The following EBF1 variants were observed in gnomAD, a reference collection of about 807,000 sequenced individuals.
EBF1 encodes EBF transcription factor 1.
A neutral mutation model predicts 68.4 loss-of-function variants in EBF1; 10 were observed. The observed-to-expected ratio is 0.15, with a 90% CI of 0.09 to 0.25. The LOEUF is 0.25. Ranked by LOEUF, EBF1 falls within the 10% of genes least tolerant of loss-of-function variation. EBF1 has a pLI of 1.00. For synonymous variants in EBF1, 298 were observed against 299.8 expected, an observed-to-expected ratio of 0.99 and a Z score of 0.06; for missense variants, 509 against 794.4, an observed-to-expected ratio of 0.64 and a Z score of 4.32.
At chr5:158,962,414 C>T (rs1325018725) in intron 6 of EBF1, among the ~76,000 whole-genome samples, 3 of 152,048 alleles carry the variant, frequency 2.0e-5, no homozygotes, top group Non-Finnish European at 4.4e-5. Context: ...GGCAACAACA[C>T]CACAATGGCC....
At position 158,969,904 on chromosome 5, in the gene EBF1, GAAAGAAAGAAAGAAAAAAAA is replaced by G. The variant is rs1408618150; in HGVS notation, c.554+103472_554+103491del. On this transcript the variant is annotated intron_variant, in intron 6 of 15. Coordinates refer to ENST00000313708, the MANE Select transcript of EBF1 (RefSeq NM_024007.5). ...AGAAAGAAAGAAAGAAAGAAAGAAA[GAAAGAAAGAAAGAAAAAAAA>G]AAAAAAGGCTGCTGGAAGTTTTGCA... Among the ~76,000 whole-genome samples the G allele has an allele frequency of 9.3e-4, 98 of 105,686 alleles. 1 individual carries two copies. The highest frequency in any genetic ancestry group is 2.1e-3 in the South Asian group (7 of 3,404). The allele number at this position is 105,686 out of a possible 152,430, so 69.3% of individuals were successfully genotyped here.
intron 10 of EBF1, among the ~76,000 whole-genome samples, chr5:158,774,653 G>A (rs1441923044): frequency 6.6e-6 from 1 of 152,114 alleles, no homozygotes; most frequent in African/African-American, 2.4e-5. Flanking sequence ...CTGAGCAGTT[G>A]TTTGGATACA....
chr5:158,717,957 CTATT>C (rs1761119462), intron 11 of EBF1, among the ~76,000 whole-genome samples: 1 of 152,118 alleles, frequency 6.6e-6, no homozygotes, highest in Non-Finnish European at 1.5e-5. Flanking sequence ...TATTCTTACT[CTATT>C]TAGAGTCTAC....
At chr5:158,730,997 A>G (rs1258743299) in intron 11 of EBF1, 72 bp downstream of exon 11, 12 of 1,414,116 alleles carry the variant, frequency 8.5e-6, no homozygotes, top group South Asian at 3.7e-5. Flanking sequence ...ACTAATTTTT[A>G]TCAGCAGCAG....
At chr5:158,702,084 C>T (rs757402421) in intron 15 of EBF1, among the ~76,000 whole-genome samples, 34 of 152,160 alleles carry the variant, frequency 2.2e-4, no homozygotes, top group Non-Finnish European at 4.6e-4. Context: ...TCATGACTTC[C>T]TAAACTCCAA....
At chr5:158,711,698 G>A (rs1759370254) in intron 14 of EBF1, among the ~76,000 whole-genome samples, 1 of 151,788 alleles carries the variant, frequency 6.6e-6, no homozygotes, top group South Asian at 2.1e-4. Context: ...TTGAGACGGA[G>A]TCTTGCTCTG....
intron 7 of EBF1, among the ~76,000 whole-genome samples, chr5:158,833,378 T>C (rs1320020378): frequency 2.0e-5 from 3 of 152,196 alleles, no homozygotes; most frequent in Non-Finnish European, 2.9e-5. Context: ...ACCTGTTTAA[T>C]TTTCTTTATA....
intron 6 of EBF1, among the ~76,000 whole-genome samples, chr5:158,990,099 G>T (rs2127605928): frequency 6.6e-6 from 1 of 152,342 alleles, no homozygotes; most frequent in Non-Finnish European, 1.5e-5. Context: ...ACCTCCTGCG[G>T]CAGGGTGAAA....
intron 6 of EBF1, among the ~76,000 whole-genome samples, chr5:159,061,738 T>G (rs1363028189): frequency 2.0e-5 from 3 of 152,148 alleles, no homozygotes; most frequent in East Asian, 1.9e-4. Flanking sequence ...TGTTTTTTTT[T>G]TTTTTACGTT....
chr5:158,887,229 C>T (rs1003958910), intron 6 of EBF1, among the ~76,000 whole-genome samples: 2 of 152,018 alleles, frequency 1.3e-5, no homozygotes, highest in African/African-American at 2.4e-5. Flanking sequence ...TATTTTCATT[C>T]GAAAAATATG....
chr5:158,777,804 G>T (rs887872400), intron 9 of EBF1, among the ~76,000 whole-genome samples: 2 of 152,112 alleles, frequency 1.3e-5, no homozygotes, highest in Non-Finnish European at 2.9e-5. Flanking sequence ...CTAATGAAAT[G>T]ATTTATCTAC....
chr5:158,726,719 T>TGGGGGCC (rs1002261238), intron 11 of EBF1, among the ~76,000 whole-genome samples: 7 of 152,094 alleles, frequency 4.6e-5, no homozygotes. Flanking sequence ...TACATAAGGA[T>TGGGGGCC]GGGGGCCAGG....
chr5:158,803,966 G>C (rs547117676), intron 8 of EBF1, among the ~76,000 whole-genome samples: 8 of 147,442 alleles, frequency 5.4e-5, no homozygotes, highest in African/African-American at 2.0e-4. Flanking sequence ...GTGTGTGTGT[G>C]TGTGTGTGTG....
In EBF1 at chr5:158,699,108, C is replaced by A. The variant is rs969041375; in HGVS notation, c.*3G>T. 21 of 1,607,192 alleles carry A rather than the reference C, an allele frequency of 1.3e-5. No homozygotes were observed. The highest frequency in any genetic ancestry group is 1.6e-5 in the Non-Finnish European group (19 of 1,177,090). On this transcript the variant is annotated 3_prime_UTR_variant, in exon 16 of 16. Coordinates refer to ENST00000313708, the MANE Select transcript of EBF1 (RefSeq NM_024007.5). ...ATTAATACAATTCTTCAAGGCAATT[C>A]TTTCACATAGGAGGAACAATCATGC...
chr5:159,057,231 T>A (rs973362390), intron 6 of EBF1, among the ~76,000 whole-genome samples: 2 of 151,272 alleles, frequency 1.3e-5, no homozygotes, highest in Admixed American at 6.6e-5. Flanking sequence ...CTCAGCCTCC[T>A]GAGTAGCTGA....
At chr5:158,750,648 C>T (rs1361994996) in intron 10 of EBF1, among the ~76,000 whole-genome samples, 2 of 151,884 alleles carry the variant, frequency 1.3e-5, no homozygotes, top group Non-Finnish European at 2.9e-5. Context: ...TTCATGTGGA[C>T]ACTTGGGCAT....
chr5:158,926,606 C>T (rs1459953945), intron 6 of EBF1, among the ~76,000 whole-genome samples: 1 of 151,930 alleles, frequency 6.6e-6, no homozygotes, highest in African/African-American at 2.4e-5. Context: ...CACCTGTAAT[C>T]CCAGCTACTT....
chr5:159,025,920 C>G (rs1465196392), intron 6 of EBF1, among the ~76,000 whole-genome samples: 1 of 152,158 alleles, frequency 6.6e-6, no homozygotes, highest in Non-Finnish European at 1.5e-5. Context: ...ATTTTATCAC[C>G]TTTCAAGTTA....
In EBF1 at chr5:158,989,619, C is replaced by T. The variant is rs553187620; in HGVS notation, c.554+83777G>A. Among the ~76,000 whole-genome samples the T allele has an allele frequency of 5.5e-4, 84 of 152,274 alleles. 2 individuals carry two copies. The South Asian group carries it at 0.015, about 27-fold the overall frequency. ...TTTGTGTGCAGCTCCAAACCCAGCT[C>T]ATGGTCAGAAGAGCAGAGTGGCCAT... On this transcript the variant is annotated intron_variant, in intron 6 of 15. Coordinates refer to ENST00000313708, the MANE Select transcript of EBF1 (RefSeq NM_024007.5).
Sources: gnomAD v4.1 joint callset for allele counts (sites outside exome capture counted in the v4.1 genomes callset) on GRCh38, gnomAD v4.1.1 for gene constraint, MANE v1.5 for transcripts, NCBI Gene and HGNC (gene_info 2026-07-23, HGNC 2026-07-21) for gene names.